Variants in HS6ST2 observed in about 807,000 individuals in gnomAD.
HS6ST2 encodes heparan sulfate 6-O-sulfotransferase 2, also known as heparan-sulfate 6-O-sulfotransferase 2.
In HS6ST2, 17 loss-of-function variants were observed where a neutral mutation model predicts 33.0. The observed-to-expected ratio is 0.52, with a 90% CI of 0.35 to 0.77. The LOEUF (loss-of-function observed/expected upper bound fraction) is 0.77, where lower values mean the gene tolerates loss of function less well. HS6ST2 is among the 30% of genes least tolerant of loss of function. The probability of loss-of-function intolerance (pLI) is 0.01; values close to 1 mark genes in which losing one functional copy is unlikely to be tolerated. For synonymous variants in HS6ST2, 248 were observed against 237.1 expected, an observed-to-expected ratio of 1.05 and a Z score of -0.42; for missense variants, 519 against 551.7, an observed-to-expected ratio of 0.94 and a Z score of 0.59.
At chrX:132,695,830 T>A (rs751735526) in intron 3 of HS6ST2, among the ~76,000 whole-genome samples, 1 of 112,001 alleles carries the variant, frequency 8.9e-6, no homozygotes, top group East Asian at 2.8e-4. Flanking sequence ...GAACACAGCG[T>A]GCTTAAAATT....
At chrX:132,780,507 C>T (rs752484066) in intron 2 of HS6ST2, among the ~76,000 whole-genome samples, 102 of 111,208 alleles carry the variant, frequency 9.2e-4, no homozygotes, top group African/African-American at 2.9e-3. Context: ...TTACAGATGA[C>T]GACATTGAGT....
rs776782885 is a variant in HS6ST2 at position 132,746,009 on chromosome X, C to T, written c.948-37515G>A. On this transcript the variant is annotated intron_variant, in intron 2 of 4. Transcript: ENST00000370833. ...ACAACGCTTCCTACAACAGCCTTGG[C>T]TACAGTACAAAAAAAGAGATGTTTT... 3.6e-5 allele frequency among the ~76,000 whole-genome samples: 4 copies of T among 111,899 alleles called. No individual in the cohort carries two copies. The South Asian group carries it at 1.5e-3, about 42-fold the overall frequency.
intron 4 of HS6ST2, among the ~76,000 whole-genome samples, chrX:132,663,961 C>A (rs913742374): frequency 8.9e-6 from 1 of 112,549 alleles, no homozygotes. Flanking sequence ...TGAAAATGCA[C>A]CATGCTGAGT....
intron 2 of HS6ST2, among the ~76,000 whole-genome samples, chrX:132,822,825 A>C (rs899957885): frequency 1.8e-5 from 2 of 112,278 alleles, no homozygotes; most frequent in African/African-American, 6.5e-5. Context: ...GCCTGTTGTC[A>C]AAATAGCTTG....
At chrX:132,776,697 G>C (rs1372599534) in intron 2 of HS6ST2, among the ~76,000 whole-genome samples, 1 of 110,352 alleles carries the variant, frequency 9.1e-6, no homozygotes, top group Non-Finnish European at 1.9e-5. Flanking sequence ...TACCTTATTC[G>C]CCTCATTGTC....
intron 2 of HS6ST2, among the ~76,000 whole-genome samples, chrX:132,820,160 TGA>T (rs1385632098): frequency 9.0e-6 from 1 of 110,979 alleles, no homozygotes; most frequent in African/African-American, 3.3e-5. Context: ...CTCCCCAGCC[TGA>T]GGTCTATTGA....
intron 3 of HS6ST2, among the ~76,000 whole-genome samples, chrX:132,680,067 G>A (rs1042448042): frequency 2.8e-5 from 3 of 106,110 alleles, no homozygotes; most frequent in Non-Finnish European, 3.9e-5. Flanking sequence ...CTCGGCTTAC[G>A]AGATGACGAT....
rs1859649335 is a variant in HS6ST2 at position 132,892,269 on chromosome X, T to C, written c.947+64539A>G. Among the ~76,000 whole-genome samples, 3 of 112,078 alleles carry C rather than the reference T, an allele frequency of 2.7e-5. No individual in the cohort carries two copies. In the South Asian group the frequency reaches 1.1e-3, roughly 42 times the overall value. ...CCAATCCGGTTATAAGATTCTTGAC[T>C]CCCCTTGTATTTCTGATAGTGCACA... On this transcript the variant is annotated intron_variant, in intron 2 of 4. Transcript: ENST00000370833.
chrX:132,639,770 G>A (rs960848561), intron 4 of HS6ST2, among the ~76,000 whole-genome samples: 1 of 111,706 alleles, frequency 9.0e-6, no homozygotes, highest in Non-Finnish European at 1.9e-5. Flanking sequence ...AGAATCATAA[G>A]CTCCATGCCA....
At chrX:132,871,264 G>A (rs958371403) in intron 2 of HS6ST2, among the ~76,000 whole-genome samples, 4 of 112,036 alleles carry the variant, frequency 3.6e-5, no homozygotes, top group Admixed American at 2.8e-4. Context: ...TCATTAAAAC[G>A]TCAGGAAACA....
chrX:132,656,225 C>A (rs1176663599), intron 4 of HS6ST2, among the ~76,000 whole-genome samples: 1 of 111,226 alleles, frequency 9.0e-6, no homozygotes, highest in Non-Finnish European at 1.9e-5. Context: ...TGAAAGGAAG[C>A]ATTTCTTTTT....
intron 4 of HS6ST2, among the ~76,000 whole-genome samples, chrX:132,656,442 T>A (rs1004873490): frequency 2.7e-5 from 3 of 110,997 alleles, no homozygotes; most frequent in African/African-American, 9.8e-5. Flanking sequence ...CTTTTGTATT[T>A]TTTATTTTTA....
chrX:132,658,912 C>G (rs761300585), intron 4 of HS6ST2, among the ~76,000 whole-genome samples: 1 of 111,389 alleles, frequency 9.0e-6, no homozygotes, highest in Admixed American at 9.6e-5. Context: ...ATGGGCCTAG[C>G]CAGTTGATCA....
At chrX:132,811,648 G>A (rs2065345076) in intron 2 of HS6ST2, among the ~76,000 whole-genome samples, 1 of 73,938 alleles carries the variant, frequency 1.4e-5, no homozygotes, top group African/African-American at 6.3e-5. Flanking sequence ...TGTCTTCAAG[G>A]TGTAGCTGTG....
intron 2 of HS6ST2, among the ~76,000 whole-genome samples, chrX:132,916,345 A>C (rs993204964): frequency 1.1e-4 from 12 of 112,561 alleles, no homozygotes; most frequent in Non-Finnish European, 2.1e-4. Context: ...AATAGCAATG[A>C]AACAGTGCTT....
intron 2 of HS6ST2, among the ~76,000 whole-genome samples, chrX:132,892,436 C>G (rs938813961): frequency 4.5e-5 from 5 of 111,848 alleles, no homozygotes; most frequent in African/African-American, 1.6e-4. Context: ...GATATGTATA[C>G]AGTCGTCCCT....
chrX:132,651,425 T>G (rs1167921066), intron 4 of HS6ST2, among the ~76,000 whole-genome samples: 1 of 111,958 alleles, frequency 8.9e-6, no homozygotes, highest in Non-Finnish European at 1.9e-5. Flanking sequence ...TGTTTGTGTT[T>G]CCATATAATC....
intron 2 of HS6ST2, among the ~76,000 whole-genome samples, chrX:132,927,076 C>A (rs1471475907): frequency 8.9e-6 from 1 of 111,877 alleles, no homozygotes; most frequent in African/African-American, 3.2e-5. Context: ...CTCTCTCCCA[C>A]TGCCCTGCTT....
chrX:132,863,021 T>C (rs2148419449), intron 2 of HS6ST2, among the ~76,000 whole-genome samples: 1 of 111,955 alleles, frequency 8.9e-6, no homozygotes, highest in South Asian at 3.8e-4. Flanking sequence ...AGAATACAAT[T>C]TCAAAAGGTG....
Sources: gnomAD v4.1 joint callset for allele counts (sites outside exome capture counted in the v4.1 genomes callset) on GRCh38, gnomAD v4.1.1 for gene constraint, MANE v1.5 for transcripts, NCBI Gene and HGNC (gene_info 2026-07-23, HGNC 2026-07-21) for gene names.